GRIK2: variants seen among roughly 807,000 people sequenced by gnomAD.
The protein encoded by GRIK2 is glutamate receptor ionotropic, kainate 2.
In GRIK2, 32 loss-of-function variants were observed where a neutral mutation model predicts 100.3. That is an observed-to-expected ratio of 0.32 (90% CI 0.24 to 0.43). The LOEUF is 0.43. Ranked by LOEUF, GRIK2 falls within the 20% of genes least tolerant of loss-of-function variation. The probability of loss-of-function intolerance (pLI) is 1.00; values close to 1 mark genes in which losing one functional copy is unlikely to be tolerated. For missense variants in GRIK2, 843 were observed against 1,114.9 expected (o/e 0.76, Z 3.47); for synonymous variants, 417 against 389.4 (o/e 1.07, Z -0.83).
chr6:101,629,611 G>A (rs573879772), intron 4 of GRIK2, among the ~76,000 whole-genome samples: 1 of 152,016 alleles, frequency 6.6e-6, no homozygotes, highest in Non-Finnish European at 1.5e-5. Context: ...TATTTAATAT[G>A]ATAGAACTGA....
In GRIK2 at chr6:101,859,243, C is replaced by T. The variant is rs1307365934; in HGVS notation, c.1318-44C>T. 3.0e-6 allele frequency: 3 copies of T among 1,013,228 alleles called. No homozygotes were observed. In the Admixed American group the frequency reaches 5.5e-5, roughly 18 times the overall value. 62.8% of individuals were successfully genotyped at this position (1,013,228 alleles called of 1,614,324 possible). A position where few individuals can be genotyped will look rare whatever the true frequency, so the allele number is the denominator to read the frequency against. On this transcript the variant is annotated intron_variant, in intron 10 of 16. Transcript: ENST00000369134. Reference sequence around the variant, plus strand: ...AAGCAATAATTCTGATGATGAGTTTCATGATTAACTGTTACCTCTTTTCTT... The same window carrying T: ...AAGCAATAATTCTGATGATGAGTTTTATGATTAACTGTTACCTCTTTTCTT...
chr6:101,416,293 C>A (rs1000392380), intron 2 of GRIK2, among the ~76,000 whole-genome samples: 5 of 152,080 alleles, frequency 3.3e-5, no homozygotes, highest in African/African-American at 1.2e-4. Flanking sequence ...GTAGGCTAGG[C>A]GTGATCCGTG....
intron 12 of GRIK2, among the ~76,000 whole-genome samples, chr6:101,920,731 CT>C (rs35117228): frequency 8.2e-5 from 12 of 146,340 alleles, no homozygotes; most frequent in East Asian, 8.0e-4. Context: ...AAATACAGGG[CT>C]TTTTTTTTTT....
At chr6:101,717,454 A>G (rs1222955) in intron 7 of GRIK2, among the ~76,000 whole-genome samples, 30,301 of 151,810 alleles carry the variant, frequency 0.2, 3,439 homozygotes, top group East Asian at 0.42. Context: ...TTTTTGTTGT[A>G]TCTAGAATTT....
chr6:101,533,601 A>G (rs1042133970), intron 2 of GRIK2, among the ~76,000 whole-genome samples: 12 of 151,830 alleles, frequency 7.9e-5, no homozygotes, highest in African/African-American at 2.2e-4. Flanking sequence ...CTGTTCAGAA[A>G]TTTTAAATGG....
intron 14 of GRIK2, among the ~76,000 whole-genome samples, chr6:101,968,043 A>T (rs1268728271): frequency 6.6e-6 from 1 of 151,966 alleles, no homozygotes; most frequent in Non-Finnish European, 1.5e-5. Flanking sequence ...AAAAGATGTG[A>T]CTTCACTCAA....
chr6:101,696,814 T>C (rs1264511873), intron 7 of GRIK2, among the ~76,000 whole-genome samples: 1 of 151,796 alleles, frequency 6.6e-6, no homozygotes, highest in East Asian at 1.9e-4. Context: ...TCCTTAAGCA[T>C]CTAAAGGAAA....
At chr6:101,827,259 G>A (rs1782392406) in intron 10 of GRIK2, among the ~76,000 whole-genome samples, 1 of 151,834 alleles carries the variant, frequency 6.6e-6, no homozygotes, top group African/African-American at 2.4e-5. Flanking sequence ...AATCACTCCT[G>A]GCAAAGATTG....
chr6:101,853,409 TG>T (rs376847950), intron 10 of GRIK2, among the ~76,000 whole-genome samples: 1 of 152,152 alleles, frequency 6.6e-6, no homozygotes, highest in African/African-American at 2.4e-5. Context: ...CCCTCAAGAA[TG>T]GCCAAAATCC....
intron 14 of GRIK2, among the ~76,000 whole-genome samples, chr6:101,967,587 C>CTCA (rs1213474971): frequency 6.6e-6 from 1 of 152,058 alleles, no homozygotes; most frequent in Non-Finnish European, 1.5e-5. Context: ...TACCTGCAGT[C>CTCA]TCATCACTTC....
chr6:101,867,847 C>T (rs1054388881), intron 11 of GRIK2, among the ~76,000 whole-genome samples: 2 of 151,260 alleles, frequency 1.3e-5, no homozygotes, highest in Non-Finnish European at 3.0e-5. Flanking sequence ...CAATCTTCTG[C>T]TAATTTGCTA....
At chr6:101,721,865 C>CA (rs1774509617) in intron 7 of GRIK2, among the ~76,000 whole-genome samples, 1 of 151,818 alleles carries the variant, frequency 6.6e-6, no homozygotes, top group Non-Finnish European at 1.5e-5. Flanking sequence ...AATTACTTCT[C>CA]ACAAAAAAAA....
intron 7 of GRIK2, among the ~76,000 whole-genome samples, chr6:101,788,613 T>C (rs901351101): frequency 6.6e-6 from 1 of 152,198 alleles, no homozygotes; most frequent in African/African-American, 2.4e-5. Context: ...TCTATCATTG[T>C]TGGACATTTG....
chr6:101,841,515 C>G (rs748817013), intron 10 of GRIK2, among the ~76,000 whole-genome samples: 14 of 152,050 alleles, frequency 9.2e-5, no homozygotes, highest in South Asian at 4.1e-4. Flanking sequence ...AGGCACCCAC[C>G]ACCATGCCCG....
At chr6:102,039,581 T>G (rs771317502) in intron 15 of GRIK2, among the ~76,000 whole-genome samples, 1 of 151,508 alleles carries the variant, frequency 6.6e-6, no homozygotes, top group Non-Finnish European at 1.5e-5. Context: ...TCTATTTATC[T>G]GAACTGGGAA....
intron 7 of GRIK2, among the ~76,000 whole-genome samples, chr6:101,693,454 C>A (rs1157843176): frequency 6.6e-6 from 1 of 151,594 alleles, no homozygotes; most frequent in African/African-American, 2.4e-5. Flanking sequence ...AAAAACTTTA[C>A]CTGTCTTAGG....
At chr6:101,792,478 G>T (rs989433286) in intron 7 of GRIK2, among the ~76,000 whole-genome samples, 151 of 151,440 alleles carry the variant, frequency 1.0e-3, no homozygotes, top group Middle Eastern at 3.4e-3. Flanking sequence ...GCTTAGTTTG[G>T]CTGGATATGA....
At chr6:101,720,403 A>G (rs958701004) in intron 7 of GRIK2, among the ~76,000 whole-genome samples, 5 of 151,850 alleles carry the variant, frequency 3.3e-5, no homozygotes, top group African/African-American at 1.2e-4. Flanking sequence ...TCATTTCACC[A>G]TTTGTTTAAG....
chr6:101,581,320 G>T (rs993232804), intron 2 of GRIK2, among the ~76,000 whole-genome samples: 5 of 151,564 alleles, frequency 3.3e-5, no homozygotes, highest in South Asian at 4.2e-4. Flanking sequence ...ATATGTATAT[G>T]TATATATAAT....
Sources: allele counts gnomAD v4.1 joint callset (sites outside exome capture counted in the v4.1 genomes callset), GRCh38; gene constraint gnomAD v4.1.1; transcripts MANE v1.5; gene names NCBI Gene and HGNC (gene_info 2026-07-23, HGNC 2026-07-21).